Variants in RLN2 observed in about 807,000 individuals in gnomAD.
The protein encoded by RLN2 is prorelaxin H2.
RLN2 carries 10 observed loss-of-function variants against 7.3 expected under a neutral mutation model. That is an observed-to-expected ratio of 1.36 (90% CI 0.84 to 2.31). RLN2 has a LOEUF of 2.31. Ranked by LOEUF, RLN2 falls within the 30% of genes most tolerant of loss-of-function variation. RLN2 has a pLI of 0.00. For missense variants in RLN2, 298 were observed against 217.6 expected (o/e 1.37, Z -2.32); for synonymous variants, 103 against 82.3 (o/e 1.25, Z -1.36).
At chr9:5,310,855 T>C in the RLN2 span, among the ~76,000 whole-genome samples, 3 of 152,244 alleles carry the variant, frequency 2.0e-5, no homozygotes, top group East Asian at 1.9e-4. Context: ...ATCTAATACA[T>C]TGTTTCAACT....
upstream of RLN2, among the ~76,000 whole-genome samples, chr9:5,307,927 C>G (rs571384753): frequency 7.3e-4 from 111 of 152,074 alleles, 1 homozygote; most frequent in African/African-American, 2.7e-3. Context: ...ATCTCTTTTC[C>G]TAGTTTTGTA....
chr9:5,311,866 T>C, the RLN2 span: 3 of 547,160 alleles, frequency 5.5e-6, no homozygotes, highest in Middle Eastern at 5.2e-4. Context: ...AGGGTACATG[T>C]GCACATTGTG....
At chr9:5,318,101 A>G in the RLN2 span, among the ~76,000 whole-genome samples, 2 of 151,708 alleles carry the variant, frequency 1.3e-5, no homozygotes, top group Non-Finnish European at 2.9e-5. Flanking sequence ...CAAACTTGTG[A>G]CCTCAGGTGA....
At chr9:5,300,956 T>C (rs975310780) in intron 1 of RLN2, among the ~76,000 whole-genome samples, 9 of 152,224 alleles carry the variant, frequency 5.9e-5, no homozygotes, top group Non-Finnish European at 1.2e-4. Flanking sequence ...AGAGGCAGAA[T>C]TTCCAACACC....
chr9:5,319,921 A>G, the RLN2 span, among the ~76,000 whole-genome samples: 2 of 151,924 alleles, frequency 1.3e-5, no homozygotes, highest in Non-Finnish European at 2.9e-5. Context: ...ATGTTCTTAA[A>G]CTTAATTTTT....
At chr9:5,311,513 A>C in the RLN2 span, 12 of 714,022 alleles carry the variant, frequency 1.7e-5, no homozygotes, top group Admixed American at 2.1e-4. Flanking sequence ...AACCACAGAG[A>C]AGATCATGAG....
At chr9:5,328,213 T>A in the RLN2 span, among the ~76,000 whole-genome samples, 2 of 152,002 alleles carry the variant, frequency 1.3e-5, no homozygotes, top group East Asian at 3.9e-4. Context: ...AGAGAAGATC[T>A]TAAATGACCT....
chr9:5,332,253 G>C, the RLN2 span, among the ~76,000 whole-genome samples: 2 of 152,030 alleles, frequency 1.3e-5, no homozygotes, highest in Non-Finnish European at 2.9e-5. Context: ...ACATATGTTT[G>C]TATGTGCAGA....
the RLN2 span, among the ~76,000 whole-genome samples, chr9:5,323,537 G>A: frequency 2.2e-3 from 334 of 151,700 alleles, 6 homozygotes; most frequent in African/African-American, 7.6e-3. Flanking sequence ...GCATTTTTAG[G>A]GTGTCCAGTC....
chr9:5,308,429 T>A (rs1816291275), upstream of RLN2, among the ~76,000 whole-genome samples: 1 of 151,662 alleles, frequency 6.6e-6, no homozygotes, highest in Non-Finnish European at 1.5e-5. Context: ...CTCAGAGAAA[T>A]TCAAAAACAA....
the RLN2 span, among the ~76,000 whole-genome samples, chr9:5,314,468 G>A: frequency 6.6e-6 from 1 of 151,962 alleles, no homozygotes; most frequent in Non-Finnish European, 1.5e-5. Context: ...ATTCCTGAAT[G>A]GAAGCAGCAC....
the RLN2 span, chr9:5,335,246 T>A: frequency 1.3e-6 from 2 of 1,553,430 alleles, no homozygotes; most frequent in African/African-American, 2.8e-5. Context: ...ACAATTAGCT[T>A]CATCTCAGCA....
At chr9:5,318,788 G>A in the RLN2 span, among the ~76,000 whole-genome samples, 1 of 151,876 alleles carries the variant, frequency 6.6e-6, no homozygotes, top group Non-Finnish European at 1.5e-5. Flanking sequence ...GCTAACTCAA[G>A]GAATTAAGTA....
the RLN2 span, among the ~76,000 whole-genome samples, chr9:5,315,780 A>G: frequency 6.6e-6 from 1 of 152,108 alleles, no homozygotes; most frequent in African/African-American, 2.4e-5. Flanking sequence ...AGGTCAGGAC[A>G]GATGAGATGA....
the RLN2 span, chr9:5,335,634 A>T: frequency 7.3e-7 from 1 of 1,365,072 alleles, no homozygotes; most frequent in Non-Finnish European, 1.0e-6. Flanking sequence ...GTGAAGGCGT[A>T]TTCACGTCAA....
chr9:5,330,396 T>C, the RLN2 span, among the ~76,000 whole-genome samples: 1 of 151,688 alleles, frequency 6.6e-6, no homozygotes, highest in East Asian at 1.9e-4. Flanking sequence ...CCCAGCACTT[T>C]GGGAGGCAGA....
chr9:5,321,044 C>T, the RLN2 span, among the ~76,000 whole-genome samples: 8 of 152,094 alleles, frequency 5.3e-5, 1 homozygote, highest in African/African-American at 1.9e-4. Context: ...ATTCATACTT[C>T]ACAGTAACAA....
chr9:5,316,021 G>A, the RLN2 span, among the ~76,000 whole-genome samples: 4 of 151,858 alleles, frequency 2.6e-5, no homozygotes, highest in Non-Finnish European at 5.9e-5. Flanking sequence ...CAAATTCACT[G>A]GTAAAGGTAA....
the RLN2 span, among the ~76,000 whole-genome samples, chr9:5,314,209 G>A: frequency 6.6e-6 from 1 of 152,048 alleles, no homozygotes; most frequent in African/African-American, 2.4e-5. Context: ...CCTGTTCTGG[G>A]GATAGGTAGC....
Sources: allele counts gnomAD v4.1 joint callset (sites outside exome capture counted in the v4.1 genomes callset), GRCh38; gene constraint gnomAD v4.1.1; transcripts MANE v1.5; gene names NCBI Gene and HGNC (gene_info 2026-07-23, HGNC 2026-07-21).